AGK: variants seen among roughly 807,000 people sequenced by gnomAD.
AGK encodes the protein acylglycerol kinase, mitochondrial.
In AGK, 52 loss-of-function variants were observed where a neutral mutation model predicts 66.4. The ratio of observed to expected loss-of-function variants is 0.78; its 90% CI spans 0.63 to 0.99. AGK has a LOEUF of 0.99. Ranked by LOEUF, AGK falls within the 50% of genes least tolerant of loss-of-function variation. The pLI is 0.00. For synonymous variants in AGK, 182 were observed against 181.1 expected (o/e 1.00, Z -0.04); for missense variants, 451 against 506.6 (o/e 0.89, Z 1.05).
At chr7:141,604,239 A>C (rs1231608914) in intron 5 of AGK, among the ~76,000 whole-genome samples, 1 of 151,642 alleles carries the variant, frequency 6.6e-6, no homozygotes, top group East Asian at 1.9e-4. Context: ...ACTTATAAAA[A>C]AAATGTACAG....
At chr7:141,649,121 T>TAAAAA in intron 13 of AGK, 142 bp from the exon 14 acceptor site, 1 of 369,896 alleles carries the variant, frequency 2.7e-6, no homozygotes. Context: ...AGATTGAAAA[T>TAAAAA]AGGTTTGGAA....
At chr7:141,619,523 T>C (rs180897981) in intron 8 of AGK, among the ~76,000 whole-genome samples, 67 of 152,212 alleles carry the variant, frequency 4.4e-4, no homozygotes, top group Non-Finnish European at 7.4e-4. Context: ...CCTCACACTA[T>C]ATCTAAAAAT....
chr7:141,562,896 G>T (rs545841021), intron 2 of AGK, among the ~76,000 whole-genome samples: 34 of 152,326 alleles, frequency 2.2e-4, no homozygotes, highest in African/African-American at 7.7e-4. Flanking sequence ...TGGAGACTGT[G>T]TGCCTACAAG....
chr7:141,647,336 A>G (rs1267864792), intron 13 of AGK, among the ~76,000 whole-genome samples: 7 of 152,036 alleles, frequency 4.6e-5, no homozygotes, highest in Admixed American at 6.5e-5. Context: ...CTTCCTCGCC[A>G]TGGTCTATGA....
At chr7:141,580,291 A>G (rs979596572) in intron 2 of AGK, among the ~76,000 whole-genome samples, 1 of 151,934 alleles carries the variant, frequency 6.6e-6, no homozygotes, top group African/African-American at 2.4e-5. Flanking sequence ...AGCTTCAATG[A>G]TAGATGTGGA....
intron 5 of AGK, among the ~76,000 whole-genome samples, chr7:141,609,554 C>G (rs1260514844): frequency 6.6e-6 from 1 of 152,232 alleles, no homozygotes; most frequent in Non-Finnish European, 1.5e-5. Flanking sequence ...TGTGCCTCCT[C>G]TCAACACTTC....
chr7:141,593,256 A>C, intron 3 of AGK, 71 bp downstream of exon 3: 1 of 1,380,900 alleles, frequency 7.2e-7, no homozygotes, highest in Non-Finnish European at 1.0e-6. Context: ...AAGCTCTTTC[A>C]GGGGACTTGC....
intron 5 of AGK, among the ~76,000 whole-genome samples, chr7:141,603,369 C>G (rs918311459): frequency 1.3e-5 from 2 of 151,964 alleles, no homozygotes; most frequent in Non-Finnish European, 2.9e-5. Context: ...ACATTTCGAC[C>G]CTGTCATAGA....
intron 2 of AGK, among the ~76,000 whole-genome samples, chr7:141,582,787 G>A (rs754283987): frequency 2.6e-4 from 39 of 151,978 alleles, no homozygotes; most frequent in East Asian, 3.9e-4. Context: ...AAGCCAGACC[G>A]GGTGTGAGGA....
chr7:141,601,332 C>T, intron 5 of AGK, 52 bp downstream of exon 5: 2 of 1,425,554 alleles, frequency 1.4e-6, no homozygotes, highest in Non-Finnish European at 2.0e-6. Context: ...CCTCTTATAA[C>T]AACCTCTTCT....
intron 2 of AGK, among the ~76,000 whole-genome samples, chr7:141,569,791 G>A (rs1441097422): frequency 6.6e-6 from 1 of 152,140 alleles, no homozygotes; most frequent in Admixed American, 6.5e-5. Context: ...AGATAGTCCT[G>A]ATCCTAACCT....
At chr7:141,569,395 G>A (rs961662387) in intron 2 of AGK, among the ~76,000 whole-genome samples, 2 of 152,250 alleles carry the variant, frequency 1.3e-5, no homozygotes, top group Non-Finnish European at 2.9e-5. Context: ...TTAGCCGGGT[G>A]TGGCGGTGTG....
At chr7:141,553,827 G>A (rs115335632) in intron 1 of AGK, among the ~76,000 whole-genome samples, 2,560 of 152,060 alleles carry the variant, frequency 0.017, 68 homozygotes, top group South Asian at 0.14. Context: ...TTTAACCAAT[G>A]GGATTTAAAG....
intron 3 of AGK, chr7:141,594,067 ATTG>A (rs1463074325): frequency 1.3e-5 from 2 of 152,050 alleles, no homozygotes; most frequent in African/African-American, 2.4e-5. Flanking sequence ...CTTTTTAGCG[ATTG>A]TTATCTAGCT....
At chr7:141,576,289 C>T (rs1381119172) in intron 2 of AGK, among the ~76,000 whole-genome samples, 1 of 152,040 alleles carries the variant, frequency 6.6e-6, no homozygotes, top group East Asian at 1.9e-4. Context: ...TGAGAGCACA[C>T]CTGAACAAGG....
chr7:141,580,334 A>C (rs1272925122), intron 2 of AGK, among the ~76,000 whole-genome samples: 2 of 151,966 alleles, frequency 1.3e-5, no homozygotes, highest in African/African-American at 4.8e-5. Context: ...TTTGCTGGTG[A>C]GTGGCAATTA....
chr7:141,611,573 C>T (rs1796590460), intron 6 of AGK, among the ~76,000 whole-genome samples: 1 of 151,962 alleles, frequency 6.6e-6, no homozygotes, highest in African/African-American at 2.4e-5. Flanking sequence ...ATGGGATAAT[C>T]TTGTTATATT....
At chr7:141,596,673 C>A (rs1796234661) in intron 4 of AGK, 32 bp downstream of exon 4, 2 of 1,591,174 alleles carry the variant, frequency 1.3e-6, no homozygotes, top group South Asian at 2.2e-5. Context: ...TATATACTTG[C>A]TTTTTCTAAG....
chr7:141,574,800 A>G (rs965259651), intron 2 of AGK, among the ~76,000 whole-genome samples: 1 of 152,174 alleles, frequency 6.6e-6, no homozygotes, highest in African/African-American at 2.4e-5. Context: ...TGTAGAGTAC[A>G]GTGGTTGGGA....
Sources: allele counts gnomAD v4.1 joint callset (sites outside exome capture counted in the v4.1 genomes callset), GRCh38; gene constraint gnomAD v4.1.1; transcripts MANE v1.5; gene names NCBI Gene and HGNC (gene_info 2026-07-23, HGNC 2026-07-21).